WDR47: variants seen among roughly 807,000 people sequenced by gnomAD.
WDR47 encodes WD repeat-containing protein 47.
WDR47 carries 32 observed loss-of-function variants against 97.2 expected under a neutral mutation model. The observed-to-expected ratio is 0.33, with a 90% CI of 0.25 to 0.44. WDR47 has a LOEUF of 0.44. Among genes scored for constraint, WDR47 ranks in the 20% least tolerant of loss-of-function variants. The probability of loss-of-function intolerance (pLI) is 1.00; values close to 1 mark genes in which losing one functional copy is unlikely to be tolerated. For synonymous variants in WDR47, 375 were observed against 373.5 expected, an observed-to-expected ratio of 1.00 and a Z score of -0.05; for missense variants, 782 against 1,102.3, an observed-to-expected ratio of 0.71 and a Z score of 4.11.
At chr1:109,015,468 C>G (rs1021565047) in intron 3 of WDR47, among the ~76,000 whole-genome samples, 2 of 151,506 alleles carry the variant, frequency 1.3e-5, no homozygotes, top group Non-Finnish European at 2.9e-5. Context: ...GGATTACAGG[C>G]ATGTGCCACC....
At position 108,986,552 on chromosome 1, in the gene WDR47, T is replaced by C. The variant is rs1557921702; in HGVS notation, c.1896A>G (p.Val632=). 1.2e-6 allele frequency: 2 copies of C among 1,613,588 alleles called. No individual in the cohort carries two copies. Among genetic ancestry groups the C allele is most frequent in the Non-Finnish European group, 1.7e-6 (2 of 1,179,700 alleles). The change falls in exon 10 of 15, where the codon GTA becomes GTG. Residue 632 remains valine (V), a synonymous_variant. Transcript: ENST00000369962. ...GATCAATTACATCTGGATAGGCACATACTCTCAGAGTTTTTGAATTTGAAC... is the reference window on the plus strand; with the variant it reads ...GATCAATTACATCTGGATAGGCACACACTCTCAGAGTTTTTGAATTTGAAC... ...AVGSNSKTLR[V]CAYPDVIDPS... is the part of the protein sequence containing the mutation.
At position 109,013,933 on chromosome 1, in the gene WDR47, A is replaced by G. The variant is rs541965820; in HGVS notation, c.243-8T>C. On this transcript the variant is annotated splice_region_variant and splice_polypyrimidine_tract_variant and intron_variant, in intron 3 of 14. Transcript: ENST00000369962. The stretch of plus-strand genomic sequence containing the variant: ...AGGATAATATAACGAAACCTGTGGG[A>G]AAAAAATGAAGCATTAATTTTTCCA... 100 of 1,591,130 alleles carry G rather than the reference A, an allele frequency of 6.3e-5. No individual in the cohort carries two copies. Among genetic ancestry groups the G allele is most frequent in the South Asian group, 5.0e-4 (44 of 88,594 alleles).
At chr1:109,004,855 A>G in intron 5 of WDR47, 140 bp from the exon 6 acceptor site, 3 of 1,065,072 alleles carry the variant, frequency 2.8e-6, no homozygotes, top group South Asian at 2.3e-5. Flanking sequence ...GAGTGACGCA[A>G]TCTCCGCTCA....
chr1:109,027,489 T>G (rs1662290390), intron 1 of WDR47, among the ~76,000 whole-genome samples: 1 of 152,126 alleles, frequency 6.6e-6, no homozygotes, highest in Non-Finnish European at 1.5e-5. Flanking sequence ...TTATACAGGC[T>G]CCCAAAATCT....
chr1:109,006,334 GGT>G (rs1325786275), intron 5 of WDR47, among the ~76,000 whole-genome samples: 4 of 151,798 alleles, frequency 2.6e-5, no homozygotes, highest in Non-Finnish European at 5.9e-5. Context: ...CGGAGGTTGT[GGT>G]GAGCCGAGAT....
intron 1 of WDR47, among the ~76,000 whole-genome samples, chr1:109,041,121 C>T (rs1007098182): frequency 9.3e-5 from 14 of 150,980 alleles, no homozygotes; most frequent in African/African-American, 3.4e-4. Context: ...CCGGCCTACC[C>T]TCGCCCCCCG....
chr1:108,982,786 C>T lies in WDR47; in HGVS notation c.2096-7G>A, dbSNP rs1442264030. On this transcript the variant is annotated splice_region_variant and splice_polypyrimidine_tract_variant and intron_variant, in intron 11 of 14. Transcript: ENST00000369962. ...CTAAATTCCAGATCTGGTCCTGAAA[C>T]AGTAGTAAGAATTAAAAAAAAAAAA... The T allele has an allele frequency of 3.2e-6, 5 of 1,587,102 alleles. No homozygotes were observed. The highest frequency in any genetic ancestry group is 4.3e-6 in the Non-Finnish European group (5 of 1,172,124).
At chr1:109,019,422 C>A (rs1298170828) in intron 2 of WDR47, among the ~76,000 whole-genome samples, 1 of 151,306 alleles carries the variant, frequency 6.6e-6, no homozygotes, top group Non-Finnish European at 1.5e-5. Flanking sequence ...GTGGCTCACA[C>A]CTGTAATCCC....
chr1:108,977,161 C>CT (rs889810199), intron 13 of WDR47, among the ~76,000 whole-genome samples: 7 of 151,318 alleles, frequency 4.6e-5, no homozygotes, highest in African/African-American at 1.2e-4. Flanking sequence ...GGGTTTTTTT[C>CT]TTTTTTTTGA....
chr1:109,021,297 G>T (rs1661819417), intron 2 of WDR47, among the ~76,000 whole-genome samples: 1 of 152,100 alleles, frequency 6.6e-6, no homozygotes, highest in Non-Finnish European at 1.5e-5. Flanking sequence ...GGAGGCCGAG[G>T]CAGGCAGATC....
chr1:109,012,195 A>G (rs17566291), intron 4 of WDR47, among the ~76,000 whole-genome samples: 16,145 of 152,082 alleles, frequency 0.11, 996 homozygotes, highest in African/African-American at 0.15. Context: ...TTGTTTATAA[A>G]CTTTGCTATT....
intron 1 of WDR47, among the ~76,000 whole-genome samples, chr1:109,033,312 CA>C (rs894588876): frequency 1.3e-5 from 2 of 151,110 alleles, no homozygotes; most frequent in African/African-American, 4.9e-5. Flanking sequence ...AAAACAAAAA[CA>C]AAAAAAAGCT....
chr1:108,980,000 C>T (rs1178780960), intron 13 of WDR47, among the ~76,000 whole-genome samples: 2 of 152,154 alleles, frequency 1.3e-5, no homozygotes, highest in Admixed American at 1.3e-4. Flanking sequence ...ATTAGATGCT[C>T]ACAGGAGCGG....
At chr1:108,990,559 T>G (rs1177535720) in intron 9 of WDR47, among the ~76,000 whole-genome samples, 2 of 152,130 alleles carry the variant, frequency 1.3e-5, no homozygotes, top group African/African-American at 2.4e-5. Flanking sequence ...CTTGCATATT[T>G]CTTTTGCAAG....
intron 7 of WDR47, among the ~76,000 whole-genome samples, chr1:109,000,508 CAA>C (rs71069634): frequency 2.8e-5 from 2 of 70,510 alleles, no homozygotes; most frequent in Admixed American, 2.1e-4. Flanking sequence ...GACTCTGTCT[CAA>C]AAAAAAAAAA....
intron 8 of WDR47, among the ~76,000 whole-genome samples, chr1:108,994,078 A>C (rs1335804357): frequency 6.6e-6 from 1 of 152,194 alleles, no homozygotes; most frequent in Non-Finnish European, 1.5e-5. Flanking sequence ...TATGAGGAGT[A>C]TGGTAGAGAA....
intron 11 of WDR47, 63 bp downstream of exon 11, chr1:108,983,219 A>C: frequency 1.4e-6 from 2 of 1,404,790 alleles, no homozygotes; most frequent in Non-Finnish European, 1.9e-6. Context: ...CAGAAATACA[A>C]CATGGAGAAA....
At chr1:109,030,218 A>G in intron 1 of WDR47, 4 of 1,553,978 alleles carry the variant, frequency 2.6e-6, no homozygotes, top group Non-Finnish European at 3.5e-6. Context: ...CCATGCACAA[A>G]TGGTAGTTTT....
At chr1:108,982,362 A>G (rs1010672383) in intron 12 of WDR47, among the ~76,000 whole-genome samples, 1 of 151,946 alleles carries the variant, frequency 6.6e-6, no homozygotes, top group Non-Finnish European at 1.5e-5. Flanking sequence ...GTGAGACACC[A>G]TATCTACAAA....
Sources: allele counts gnomAD v4.1 joint callset (sites outside exome capture counted in the v4.1 genomes callset), GRCh38; gene constraint gnomAD v4.1.1; transcripts MANE v1.5; gene names NCBI Gene and HGNC (gene_info 2026-07-23, HGNC 2026-07-21).